The following SP100 variants were observed in gnomAD, a reference collection of about 807,000 sequenced individuals.
SP100 encodes SP100 nuclear body protein.
SP100 carries 84 observed loss-of-function variants against 130.0 expected under a neutral mutation model. That is an observed-to-expected ratio of 0.65 (90% CI 0.54 to 0.77). The LOEUF is 0.77. Ranked by LOEUF, SP100 falls within the 30% of genes least tolerant of loss-of-function variation. The probability of loss-of-function intolerance (pLI) is 0.00; values close to 1 mark genes in which losing one functional copy is unlikely to be tolerated. For missense variants in SP100, 978 were observed against 1,052.2 expected, an observed-to-expected ratio of 0.93 and a Z score of 0.97; for synonymous variants, 331 against 351.7, an observed-to-expected ratio of 0.94 and a Z score of 0.66.
intron 17 of SP100, among the ~76,000 whole-genome samples, chr2:230,481,898 C>T (rs1176693108): frequency 6.6e-6 from 1 of 152,128 alleles, no homozygotes; most frequent in Non-Finnish European, 1.5e-5. Flanking sequence ...GAATGGTTTC[C>T]TCTTATTCAT....
At chr2:230,420,118 C>T (rs374372650) in intron 2 of SP100, among the ~76,000 whole-genome samples, 2 of 152,158 alleles carry the variant, frequency 1.3e-5, no homozygotes, top group African/African-American at 4.8e-5. Context: ...CTTGTTGGGT[C>T]GCTTTAGTTC....
chr2:230,454,230 C>T (rs1420543797), intron 8 of SP100, among the ~76,000 whole-genome samples: 1 of 151,882 alleles, frequency 6.6e-6, no homozygotes, highest in African/African-American at 2.4e-5. Context: ...TTTATTTTTT[C>T]AAAAAGCCAG....
chr2:230,527,091 C>T (rs1012863916), intron 24 of SP100, among the ~76,000 whole-genome samples: 3 of 152,070 alleles, frequency 2.0e-5, no homozygotes, highest in Admixed American at 1.3e-4. Flanking sequence ...AAAAATACTC[C>T]TTGAGAAGAG....
In SP100 at chr2:230,462,475, T is replaced by G; in HGVS notation, c.1014T>G (p.Asp338Glu). 2 of 1,613,994 alleles carry G rather than the reference T, an allele frequency of 1.2e-6. No homozygotes were observed. Among genetic ancestry groups the G allele is most frequent in the Non-Finnish European group, 1.7e-6 (2 of 1,179,904 alleles). The change falls in exon 10 of 29, where the codon GAT becomes GAG. Residue 338 changes from aspartate (D) to glutamate (E), a missense_variant. Transcript: ENST00000340126. ...ACTCTGAAGGATCCACTGACGTTGA[T>G]GAGCCCTTAGAAGTCTTCATCTCAG... Reference protein sequence around the residue: ...SEDSEGSTDVDEPLEVFISAP... With the variant: ...SEDSEGSTDVEEPLEVFISAP...
At chr2:230,500,339 G>A (rs1041285737) in intron 19 of SP100, among the ~76,000 whole-genome samples, 2 of 152,106 alleles carry the variant, frequency 1.3e-5, no homozygotes, top group African/African-American at 2.4e-5. Context: ...ACAGTTCTGC[G>A]GCACTTTATT....
intron 24 of SP100, among the ~76,000 whole-genome samples, chr2:230,528,618 A>C (rs1195400246): frequency 6.6e-6 from 1 of 152,208 alleles, no homozygotes; most frequent in African/African-American, 2.4e-5. Context: ...AAAACCCATC[A>C]AAAAATCAAT....
intron 2 of SP100, among the ~76,000 whole-genome samples, chr2:230,438,722 G>A (rs2063378505): frequency 6.7e-6 from 1 of 150,356 alleles, no homozygotes; most frequent in African/African-American, 2.5e-5. Flanking sequence ...ATGTATATGT[G>A]TATATATACA....
Position 230,482,918 on chromosome 2 carries a change from T to A in SP100, c.1600+8471T>A, listed in dbSNP as rs181280737. Among the ~76,000 whole-genome samples the A allele has an allele frequency of 2.1e-3, 320 of 152,320 alleles. 2 individuals carry two copies. The highest frequency in any genetic ancestry group is 3.5e-3 in the Non-Finnish European group (237 of 68,028). ...ACTTTTAATATCATTTTGTCAACCC[T>A]TGAAAACCCTGTTGAATTTTTATTG... On this transcript the variant is annotated intron_variant, in intron 17 of 28. Transcript: ENST00000340126.
intron 20 of SP100, 134 bp downstream of exon 20, chr2:230,503,244 C>A: frequency 1.8e-6 from 1 of 540,844 alleles, no homozygotes; most frequent in Non-Finnish European, 3.2e-6. Flanking sequence ...ACCAGCAGTT[C>A]ATTTTAAGAC....
At position 230,458,587 on chromosome 2, in the gene SP100, T is replaced by C. The variant is rs114499906; in HGVS notation, c.821-2675T>C. Among the ~76,000 whole-genome samples the C allele has an allele frequency of 6.3e-3, 965 of 152,302 alleles. 8 individuals are homozygous for C. Among genetic ancestry groups the C allele is most frequent in the African/African-American group, 0.021 (885 of 41,556 alleles). On this transcript the variant is annotated intron_variant, in intron 8 of 28. Transcript: ENST00000340126. The stretch of plus-strand genomic sequence containing the variant: ...TGTGGAGTTGTTGAATAGAAATATG[T>C]TGCAAGTTACTTTTCAGAAGTTATC...
intron 19 of SP100, among the ~76,000 whole-genome samples, chr2:230,499,939 T>C (rs2066923236): frequency 6.6e-6 from 1 of 152,132 alleles, no homozygotes; most frequent in African/African-American, 2.4e-5. Context: ...GGAAGGCTGA[T>C]GCTGGCAGAA....
intron 2 of SP100, among the ~76,000 whole-genome samples, chr2:230,434,939 C>T (rs2063206000): frequency 6.6e-6 from 1 of 152,182 alleles, no homozygotes; most frequent in Non-Finnish European, 1.5e-5. Context: ...CTGGCTTTCA[C>T]TCATGAAGAA....
chr2:230,458,327 C>G (rs2064393843), intron 8 of SP100, among the ~76,000 whole-genome samples: 1 of 152,160 alleles, frequency 6.6e-6, no homozygotes, highest in Non-Finnish European at 1.5e-5. Context: ...AATATATTTA[C>G]TATTCATTAA....
At position 230,441,536 on chromosome 2, in the gene SP100, C is replaced by A. The variant is rs565988347; in HGVS notation, c.108-1401C>A. 5.9e-5 allele frequency among the ~76,000 whole-genome samples: 9 copies of A among 152,308 alleles called. No homozygotes were observed. In the South Asian group the frequency reaches 1.9e-3, roughly 32 times the overall value. The stretch of plus-strand genomic sequence containing the variant: ...ATAAGCAGATTGTGGTATATTCACA[C>A]AATGGAATGCCACTCAACAACAAAA... On this transcript the variant is annotated intron_variant, in intron 2 of 28. Coordinates refer to ENST00000340126, the MANE Select transcript of SP100 (RefSeq NM_001080391.2).
intron 2 of SP100, among the ~76,000 whole-genome samples, chr2:230,430,207 CTGGG>C (rs1291320120): frequency 3.3e-5 from 5 of 152,186 alleles, no homozygotes; most frequent in African/African-American, 1.2e-4. Context: ...AGATCTCCAG[CTGGG>C]TCAGATCATT....
Position 230,542,921 on chromosome 2 carries a change from G to A in SP100, c.2633G>A (p.Ser878Asn), listed in dbSNP as rs1423590733. 2.5e-6 allele frequency: 4 copies of A among 1,599,872 alleles called. No homozygotes were observed. The highest frequency in any genetic ancestry group is 4.5e-5 in the East Asian group (2 of 44,768). ...FRNIFAIQETSKNIIMFI is the reference protein window; with the variant it reads ...FRNIFAIQETNKNIIMFI ...AACATTTTTGCAATTCAGGAAACAA[G>A]CAAGAACATTATAATGTTTATTTAG... is the stretch of plus-strand genomic sequence containing the variant. The change falls in exon 29 of 29, where the codon AGC (serine) becomes AAC (asparagine). Residue 878 changes from serine (S) to asparagine (N), a missense_variant. By Grantham distance (46) the Ser-to-Asn change is conservative (BLOSUM62 1). Transcript: ENST00000340126.
intron 17 of SP100, among the ~76,000 whole-genome samples, chr2:230,483,590 A>G (rs1234875103): frequency 1.3e-5 from 2 of 152,172 alleles, no homozygotes; most frequent in East Asian, 1.9e-4. Flanking sequence ...TACATGGATA[A>G]TAGACTTTAG....
At chr2:230,440,725 A>G (rs1273518696) in intron 2 of SP100, among the ~76,000 whole-genome samples, 1 of 152,136 alleles carries the variant, frequency 6.6e-6, no homozygotes, top group Non-Finnish European at 1.5e-5. Context: ...AAAAGCAAAG[A>G]ATCTAGAAAA....
chr2:230,539,254 T>C lies in SP100; in HGVS notation c.2095-13T>C. The C allele has an allele frequency of 6.3e-7, 1 of 1,579,092 alleles. No homozygotes were observed. Among genetic ancestry groups the C allele is most frequent in the Non-Finnish European group, 8.7e-7 (1 of 1,148,112 alleles). ...CTCACTGATCCCGGTGATGTCTACA[T>C]CTCCCCTTCTAGCCGGAAAACTCAA... On this transcript the variant is annotated splice_polypyrimidine_tract_variant and intron_variant, in intron 24 of 28. Coordinates refer to ENST00000340126, the MANE Select transcript of SP100 (RefSeq NM_001080391.2).
Sources: allele counts gnomAD v4.1 joint callset (sites outside exome capture counted in the v4.1 genomes callset), GRCh38; gene constraint gnomAD v4.1.1; transcripts MANE v1.5; gene names NCBI Gene and HGNC (gene_info 2026-07-23, HGNC 2026-07-21).